The following EYS variants were observed in gnomAD, a reference collection of about 807,000 sequenced individuals.
The protein encoded by EYS is EGF-like photoreceptor maintenance factor.
A neutral mutation model predicts 282.1 loss-of-function variants in EYS; 250 were observed. That is an observed-to-expected ratio of 0.89 (90% CI 0.80 to 0.98). EYS has a LOEUF of 0.98. EYS is among the 50% of genes least tolerant of loss of function. The pLI is 0.00. For missense variants in EYS, 4,016 were observed against 3,709.0 expected (o/e 1.08, Z -2.15); for synonymous variants, 1,355 against 1,282.9 (o/e 1.06, Z -1.20).
intron 13 of EYS, among the ~76,000 whole-genome samples, chr6:65,031,503 C>CA (rs1025727874): frequency 3.3e-5 from 5 of 151,544 alleles, no homozygotes; most frequent in Admixed American, 1.3e-4. Context: ...TTAGTAAATT[C>CA]AAAAAAACAA....
chr6:64,932,725 C>T (rs541757750), intron 15 of EYS, among the ~76,000 whole-genome samples: 88 of 151,970 alleles, frequency 5.8e-4, no homozygotes, highest in African/African-American at 2.0e-3. Context: ...CATGTCTCAA[C>T]ACACACACAG....
At chr6:65,530,643 T>G (rs895001653) in intron 2 of EYS, among the ~76,000 whole-genome samples, 3 of 152,186 alleles carry the variant, frequency 2.0e-5, no homozygotes, top group African/African-American at 7.2e-5. Flanking sequence ...TTTTTTCTTA[T>G]AATAAAATAT....
intron 26 of EYS, among the ~76,000 whole-genome samples, chr6:64,514,666 G>C (rs1313467142): frequency 6.6e-6 from 1 of 151,760 alleles, no homozygotes; most frequent in Non-Finnish European, 1.5e-5. Flanking sequence ...GAAAAAAACA[G>C]ATTCTTCAGG....
At chr6:65,244,310 A>G (rs1767125418) in intron 12 of EYS, among the ~76,000 whole-genome samples, 1 of 152,204 alleles carries the variant, frequency 6.6e-6, no homozygotes, top group Non-Finnish European at 1.5e-5. Flanking sequence ...CAATTTGTCC[A>G]TGAAGATTGG....
chr6:65,238,506 T>C (rs929077391), intron 12 of EYS, among the ~76,000 whole-genome samples: 1 of 151,958 alleles, frequency 6.6e-6, no homozygotes, highest in South Asian at 2.1e-4. Flanking sequence ...TCTTTAATCA[T>C]AGTGTTCTAT....
chr6:65,575,571 G>T (rs1375963309), intron 2 of EYS, among the ~76,000 whole-genome samples: 1 of 151,654 alleles, frequency 6.6e-6, no homozygotes, highest in Non-Finnish European at 1.5e-5. Context: ...AAAGTTTGTA[G>T]CATGAATGAT....
At chr6:64,612,973 C>T (rs1767158956) in intron 24 of EYS, among the ~76,000 whole-genome samples, 2 of 152,050 alleles carry the variant, frequency 1.3e-5, no homozygotes, top group African/African-American at 4.8e-5. Flanking sequence ...AAGAGAATTG[C>T]TACAAATTGT....
At chr6:64,750,665 T>C (rs1772717126) in intron 22 of EYS, among the ~76,000 whole-genome samples, 1 of 152,172 alleles carries the variant, frequency 6.6e-6, no homozygotes, top group Admixed American at 6.5e-5. Flanking sequence ...CATTTTAGGG[T>C]TCTTTTCTTC....
At chr6:64,448,464 T>A (rs1007277300) in intron 26 of EYS, among the ~76,000 whole-genome samples, 1 of 152,174 alleles carries the variant, frequency 6.6e-6, no homozygotes, top group Non-Finnish European at 1.5e-5. Context: ...AGCAATAACC[T>A]CTGCAGACTT....
At chr6:65,210,501 T>A (rs2150251681) in intron 12 of EYS, among the ~76,000 whole-genome samples, 1 of 152,118 alleles carries the variant, frequency 6.6e-6, no homozygotes, top group East Asian at 1.9e-4. Context: ...AAAGGATAAT[T>A]TTCAAACAAT....
intron 12 of EYS, among the ~76,000 whole-genome samples, chr6:65,175,715 T>C (rs2150229968): frequency 6.6e-6 from 1 of 151,602 alleles, no homozygotes; most frequent in African/African-American, 2.4e-5. Context: ...TCATGGATCA[T>C]GATGAAATAA....
intron 12 of EYS, among the ~76,000 whole-genome samples, chr6:65,097,652 T>C (rs1197674446): frequency 1.3e-5 from 2 of 150,882 alleles, no homozygotes; most frequent in South Asian, 2.1e-4. Context: ...GTGGTACATA[T>C]GTACGATTAT....
At chr6:63,900,472 A>G (rs1237259825) in intron 35 of EYS, among the ~76,000 whole-genome samples, 1 of 152,176 alleles carries the variant, frequency 6.6e-6, no homozygotes, top group Non-Finnish European at 1.5e-5. Flanking sequence ...ACTTTCCCAT[A>G]TATTTAGAAC....
intron 12 of EYS, among the ~76,000 whole-genome samples, chr6:65,271,128 T>TTATA (rs70999188): frequency 0.029 from 1,599 of 55,776 alleles, 128 homozygotes; most frequent in African/African-American, 0.064. Context: ...AATCAATAGA[T>TTATA]TATATATATA....
intron 22 of EYS, among the ~76,000 whole-genome samples, chr6:64,687,407 T>A (rs1480198490): frequency 6.6e-6 from 1 of 152,202 alleles, no homozygotes; most frequent in African/African-American, 2.4e-5. Flanking sequence ...AATACCTAAT[T>A]CATTGAGAGT....
chr6:64,949,297 G>GA (rs1334240763), intron 14 of EYS, among the ~76,000 whole-genome samples: 2 of 151,864 alleles, frequency 1.3e-5, no homozygotes, highest in Admixed American at 1.3e-4. Flanking sequence ...TATTGACTGG[G>GA]ATGTGATCTC....
intron 12 of EYS, among the ~76,000 whole-genome samples, chr6:65,072,270 A>G (rs1773924277): frequency 6.6e-6 from 1 of 151,808 alleles, no homozygotes; most frequent in Non-Finnish European, 1.5e-5. Context: ...AATAGACATT[A>G]AAGACAGAGA....
At chr6:64,530,800 T>C (rs910454943) in intron 26 of EYS, among the ~76,000 whole-genome samples, 3 of 152,128 alleles carry the variant, frequency 2.0e-5, no homozygotes, top group Admixed American at 2.0e-4. Flanking sequence ...TGGTAACTTT[T>C]TTTTAAATTT....
chr6:64,628,936 A>G (rs1767694681), intron 22 of EYS, among the ~76,000 whole-genome samples: 1 of 152,186 alleles, frequency 6.6e-6, no homozygotes, highest in Admixed American at 6.5e-5. Flanking sequence ...TTCACATGGT[A>G]TGTTTGTCAC....
Sources: gnomAD v4.1 joint callset for allele counts (sites outside exome capture counted in the v4.1 genomes callset) on GRCh38, gnomAD v4.1.1 for gene constraint, MANE v1.5 for transcripts, NCBI Gene and HGNC (gene_info 2026-07-23, HGNC 2026-07-21) for gene names.